The following RPH3A variants were observed in gnomAD, a reference collection of about 807,000 sequenced individuals.
RPH3A encodes rabphilin-3A.
A neutral mutation model predicts 102.2 loss-of-function variants in RPH3A; 48 were observed. The observed-to-expected ratio is 0.47, with a 90% confidence interval of 0.37 to 0.60. The LOEUF (loss-of-function observed/expected upper bound fraction) is 0.60. Among genes scored for constraint, RPH3A ranks in the 20% least tolerant of loss-of-function variants. The pLI, the probability that RPH3A is intolerant of heterozygous loss-of-function variation, is 0.00. For synonymous variants in RPH3A, 310 were observed against 324.3 expected (o/e 0.96, Z 0.47); for missense variants, 781 against 910.1 (o/e 0.86, Z 1.83).
chr12:112,770,343 G>GTTTGTTTTGT (rs56803863), intron 1 of RPH3A, among the ~76,000 whole-genome samples: 36,594 of 150,308 alleles, frequency 0.24, 5,295 homozygotes, highest in African/African-American at 0.39. Context: ...TTTCTTTTTT[G>GTTTGTTTTGT]TTTGTTTTGT....
At chr12:112,617,364 T>G (rs1432664954) in intron 1 of RPH3A, among the ~76,000 whole-genome samples, 1 of 152,140 alleles carries the variant, frequency 6.6e-6, no homozygotes, top group Non-Finnish European at 1.5e-5. Flanking sequence ...ATGGCCACCC[T>G]TGTCATTTAG....
In RPH3A at chr12:112,811,351, A is replaced by G. The variant is rs963958405; in HGVS notation, c.-18-16950A>G. On this transcript the variant is annotated intron_variant, in intron 2 of 21. Coordinates refer to ENST00000389385, the MANE Select transcript of RPH3A (RefSeq NM_001143854.2). ...TTGTGGCCAATAGCATGAGGCCTTT[A>G]TTCAGTTCAAAAGCACTGAACAAAT... Among the ~76,000 whole-genome samples the G allele has an allele frequency of 2.6e-5, 4 of 152,294 alleles. No individual in the cohort carries two copies. In the East Asian group the frequency reaches 7.7e-4, roughly 29 times the overall value.
chr12:112,679,571 G>A (rs551662763), intron 1 of RPH3A, among the ~76,000 whole-genome samples: 12 of 152,220 alleles, frequency 7.9e-5, no homozygotes, highest in South Asian at 2.1e-4. Context: ...GATTACAGGC[G>A]TGCACCACCA....
intron 1 of RPH3A, among the ~76,000 whole-genome samples, chr12:112,731,225 G>A (rs1217872244): frequency 6.6e-6 from 1 of 152,024 alleles, no homozygotes; most frequent in African/African-American, 2.4e-5. Flanking sequence ...GAAAGAGAGA[G>A]AGTGGGAGAA....
intron 1 of RPH3A, among the ~76,000 whole-genome samples, chr12:112,638,627 A>C (rs900533821): frequency 5.9e-5 from 9 of 152,206 alleles, no homozygotes; most frequent in African/African-American, 1.9e-4. Context: ...CAGAGCCTTT[A>C]ATATGTTAAT....
rs1174316742 is a variant in RPH3A, at chr12:112,694,644, GCACA to G, written c.-139-97497_-139-97494del. Among the ~76,000 whole-genome samples, 1,247 of 127,010 alleles carry G rather than the reference GCACA, an allele frequency of 9.8e-3. 14 individuals carry two copies. The highest frequency in any genetic ancestry group is 0.032 in the African/African-American group (1,122 of 35,244). The allele number at this position is 127,010 out of a possible 152,430, so 83.3% of individuals were successfully genotyped here. On this transcript the variant is annotated intron_variant, in intron 1 of 21. Coordinates refer to the RPH3A transcript ENST00000543106. ...CAAAGACACACGCACGCGCGCGCGC[GCACA>G]CGCACACACACACACACACACACAC...
rs1239343564 is a variant in RPH3A, at chr12:112,791,910, C to T, written c.-242C>T. ...AGAGAGAGAGAGAGAGAGAGACTCA[C>T]AGAGCTAAAACCTTCATCCATGTGG... On this transcript the variant is annotated 5_prime_UTR_variant, in exon 1 of 22. Transcript: ENST00000389385. 1 of 17,314 alleles carries T rather than the reference C, an allele frequency of 5.8e-5. No homozygotes were observed. Among genetic ancestry groups the T allele is most frequent in the African/African-American group, 2.6e-4 (1 of 3,786 alleles). 1.1% of individuals were successfully genotyped at this position (17,314 alleles called of 1,614,324 possible). A position where few individuals can be genotyped will look rare whatever the true frequency, so the allele number is the denominator to read the frequency against.
intron 6 of RPH3A, among the ~76,000 whole-genome samples, chr12:112,865,858 A>G (rs2136220442): frequency 6.6e-6 from 1 of 152,298 alleles, no homozygotes; most frequent in Admixed American, 6.5e-5. Flanking sequence ...GTACCTTAGC[A>G]AGTTATGTGT....
At chr12:112,584,156 A>G (rs2039421644) in intron 1 of RPH3A, among the ~76,000 whole-genome samples, 1 of 152,194 alleles carries the variant, frequency 6.6e-6, no homozygotes, top group Non-Finnish European at 1.5e-5. Flanking sequence ...AGTATCACAA[A>G]AACTATCAGG....
intron 1 of RPH3A, among the ~76,000 whole-genome samples, chr12:112,739,524 C>A (rs968250860): frequency 6.6e-6 from 1 of 152,190 alleles, no homozygotes; most frequent in Non-Finnish European, 1.5e-5. Context: ...TGGCCTCCCC[C>A]ATTTCCATAT....
At chr12:112,831,365 T>A (rs1294582717) in intron 3 of RPH3A, among the ~76,000 whole-genome samples, 1 of 152,136 alleles carries the variant, frequency 6.6e-6, no homozygotes, top group East Asian at 1.9e-4. Flanking sequence ...CTTAAAGTGT[T>A]ACTATTCATA....
intron 4 of RPH3A, among the ~76,000 whole-genome samples, chr12:112,842,294 A>G (rs1321959082): frequency 1.3e-5 from 2 of 152,254 alleles, no homozygotes; most frequent in East Asian, 3.8e-4. Flanking sequence ...AAAAGAAAAC[A>G]CAAGTTCAGC....
At chr12:112,837,190 C>T (rs1200824054) in intron 4 of RPH3A, among the ~76,000 whole-genome samples, 4 of 152,184 alleles carry the variant, frequency 2.6e-5, no homozygotes, top group Non-Finnish European at 4.4e-5. Context: ...CTGGGACTCA[C>T]GGTCCCTGTG....
At chr12:112,711,062 G>T (rs958641334) in intron 1 of RPH3A, among the ~76,000 whole-genome samples, 5 of 152,164 alleles carry the variant, frequency 3.3e-5, no homozygotes, top group Admixed American at 3.3e-4. Flanking sequence ...CAAGAACAGC[G>T]TTTGGGAGAA....
chr12:112,686,030 A>G (rs79410778), intron 1 of RPH3A, among the ~76,000 whole-genome samples: 2 of 152,286 alleles, frequency 1.3e-5, no homozygotes, highest in East Asian at 3.9e-4. Context: ...GTGTGTGGGT[A>G]GGGAAATCAG....
intron 5 of RPH3A, among the ~76,000 whole-genome samples, chr12:112,861,874 G>A (rs1430364383): frequency 6.6e-6 from 1 of 151,976 alleles, no homozygotes; most frequent in African/African-American, 2.4e-5. Flanking sequence ...TTAGCCAGGC[G>A]CGATGGTGGG....
At chr12:112,735,702 T>C (rs549613584) in intron 1 of RPH3A, among the ~76,000 whole-genome samples, 8 of 152,278 alleles carry the variant, frequency 5.3e-5, no homozygotes, top group Non-Finnish European at 1.0e-4. Flanking sequence ...GGGACAGAGA[T>C]GGTGTGGAGC....
At chr12:112,774,064 A>AAAAAAAAAAAAAAAG (rs1159291051) in intron 1 of RPH3A, among the ~76,000 whole-genome samples, 1 of 24,698 alleles carries the variant, frequency 4.0e-5, no homozygotes, top group Non-Finnish European at 8.3e-5. Flanking sequence ...CAGCCTGGGC[A>AAAAAAAAAAAAAAAG]AAAAAAAAAA....
At chr12:112,888,522 C>T (rs767944975) in intron 17 of RPH3A, among the ~76,000 whole-genome samples, 17 of 152,182 alleles carry the variant, frequency 1.1e-4, no homozygotes, top group Admixed American at 3.3e-4. Context: ...GGGTGTGAAT[C>T]CTGGCTCTGC....
Sources: gnomAD v4.1 joint callset for allele counts (sites outside exome capture counted in the v4.1 genomes callset) on GRCh38, gnomAD v4.1.1 for gene constraint, MANE v1.5 for transcripts, NCBI Gene and HGNC (gene_info 2026-07-23, HGNC 2026-07-21) for gene names.